SLIT3: variants seen among roughly 807,000 people sequenced by gnomAD.
SLIT3 encodes slit homolog 3 protein.
SLIT3 carries 68 observed loss-of-function variants against 184.0 expected under a neutral mutation model. The observed-to-expected ratio is 0.37, with a 90% CI of 0.30 to 0.45. The LOEUF is 0.45. Among genes scored for constraint, SLIT3 ranks in the 20% least tolerant of loss-of-function variants. SLIT3 has a pLI of 1.00. For missense variants in SLIT3, 1,707 were observed against 2,026.0 expected (o/e 0.84, Z 3.02); for synonymous variants, 831 against 828.6 (o/e 1.00, Z -0.05).
chr5:168,712,561 C>T (rs531876398), intron 23 of SLIT3: 15 of 566,642 alleles, frequency 2.6e-5, no homozygotes, highest in South Asian at 1.1e-4. Context: ...AGAGGGTTTG[C>T]GGAAGAAGGG....
intron 4 of SLIT3, among the ~76,000 whole-genome samples, chr5:169,168,916 C>G (rs1427316534): frequency 6.6e-6 from 1 of 152,182 alleles, no homozygotes; most frequent in African/African-American, 2.4e-5. Context: ...GGACAACAGA[C>G]TGGGGACCAC....
At chr5:168,807,868 C>T (rs768779093) in intron 8 of SLIT3, among the ~76,000 whole-genome samples, 13 of 152,144 alleles carry the variant, frequency 8.5e-5, no homozygotes, top group Admixed American at 2.0e-4. Context: ...TGGACGCGGA[C>T]GCTTCAAACA....
intron 4 of SLIT3, among the ~76,000 whole-genome samples, chr5:169,068,665 A>G (rs1758437783): frequency 6.6e-6 from 1 of 152,164 alleles, no homozygotes; most frequent in South Asian, 2.1e-4. Flanking sequence ...TGTTCCCAAC[A>G]ATGCATGTAG....
intron 4 of SLIT3, among the ~76,000 whole-genome samples, chr5:169,124,037 G>A (rs916886385): frequency 6.6e-6 from 1 of 152,106 alleles, no homozygotes; most frequent in African/African-American, 2.4e-5. Context: ...GGTTTCAGAC[G>A]GAAATCATTA....
chr5:168,722,150 G>A, intron 23 of SLIT3, 106 bp downstream of exon 23: 1 of 944,860 alleles, frequency 1.1e-6, no homozygotes, highest in Non-Finnish European at 1.7e-6. Context: ...GTGTGTTTGG[G>A]GGTGGAGTGG....
At chr5:169,105,801 G>T (rs1338893863) in intron 4 of SLIT3, among the ~76,000 whole-genome samples, 1 of 152,108 alleles carries the variant, frequency 6.6e-6, no homozygotes, top group East Asian at 1.9e-4. Flanking sequence ...CATTTTTTAT[G>T]GCTGCATAGT....
chr5:169,202,188 T>C (rs1430845699), intron 3 of SLIT3, among the ~76,000 whole-genome samples: 1 of 151,984 alleles, frequency 6.6e-6, no homozygotes, highest in African/African-American at 2.4e-5. Flanking sequence ...GCCAAGATCA[T>C]CCCACTGCAC....
chr5:168,680,033 A>G lies in SLIT3; in HGVS notation c.3686+3933T>C, dbSNP rs538481773. On this transcript the variant is annotated intron_variant, in intron 32 of 35. Coordinates refer to ENST00000519560, the MANE Select transcript of SLIT3 (RefSeq NM_003062.4). ...ACACTCAAAAACTTAGATATCTCAC[A>G]TAGAAACCCCGGTGGTCCCGCTTCT... Among the ~76,000 whole-genome samples, 3 of 152,328 alleles carry G rather than the reference A, an allele frequency of 2.0e-5. No individual in the cohort carries two copies. In the South Asian group the frequency reaches 6.2e-4, roughly 32 times the overall value.
At chr5:168,849,561 A>G (rs1730024564) in intron 5 of SLIT3, among the ~76,000 whole-genome samples, 1 of 152,230 alleles carries the variant, frequency 6.6e-6, no homozygotes, top group Non-Finnish European at 1.5e-5. Flanking sequence ...GAATTAACCC[A>G]TAAGAGTAAC....
chr5:168,908,470 C>T (rs1028752281), intron 4 of SLIT3, among the ~76,000 whole-genome samples: 10 of 152,088 alleles, frequency 6.6e-5, no homozygotes, highest in South Asian at 2.1e-4. Context: ...GTGGAGAGGA[C>T]GGGAGACACT....
At chr5:168,692,437 C>T (rs775930464) in intron 29 of SLIT3, among the ~76,000 whole-genome samples, 170 bp downstream of exon 29, 6 of 152,216 alleles carry the variant, frequency 3.9e-5, no homozygotes, top group Middle Eastern at 3.4e-3. Context: ...GACAGAGGCA[C>T]GCATAGGGAA....
In SLIT3 at chr5:169,127,210, C is replaced by T. The variant is rs562860977; in HGVS notation, c.413+66269G>A. ...TACCAATGAGGACAATCAGAAAAGT[C>T]GAGTCATAAAATCAAGGGCTTTACT... On this transcript the variant is annotated intron_variant, in intron 4 of 35. Transcript: ENST00000519560. Among the ~76,000 whole-genome samples the T allele has an allele frequency of 3.9e-5, 6 of 152,250 alleles. No homozygotes were observed. In the South Asian group the frequency reaches 8.3e-4, roughly 21 times the overall value.
rs539030288 is a variant in SLIT3, at chr5:169,219,127, C to T, written c.342-25577G>A. ...GCTGCCGCCTTAGGACACATTCCCC[C>T]AGGACAGAGGCACACATGAAGCAGC... is the stretch of plus-strand genomic sequence containing the variant. On this transcript the variant is annotated intron_variant, in intron 3 of 35. Coordinates refer to ENST00000519560, the MANE Select transcript of SLIT3 (RefSeq NM_003062.4). 4.6e-5 allele frequency among the ~76,000 whole-genome samples: 7 copies of T among 152,306 alleles called. No homozygotes were observed. The South Asian group carries it at 1.0e-3, about 23-fold the overall frequency.
chr5:168,697,593 T>C (rs1561880368), intron 27 of SLIT3, among the ~76,000 whole-genome samples: 1 of 152,306 alleles, frequency 6.6e-6, no homozygotes, highest in East Asian at 1.9e-4. Context: ...TGACTTGGGA[T>C]TTAGCTAAAA....
chr5:168,888,737 T>TAA (rs1433359460), intron 4 of SLIT3, among the ~76,000 whole-genome samples: 1 of 152,196 alleles, frequency 6.6e-6, no homozygotes, highest in African/African-American at 2.4e-5. Flanking sequence ...AACTCTTGAT[T>TAA]AGTTAGGCTA....
At chr5:169,106,653 TG>T (rs1760219531) in intron 4 of SLIT3, among the ~76,000 whole-genome samples, 2 of 152,192 alleles carry the variant, frequency 1.3e-5, no homozygotes, top group Admixed American at 1.3e-4. Context: ...CTGATGCTAC[TG>T]TACATACTGC....
chr5:168,987,749 G>A (rs1755184718), intron 4 of SLIT3, among the ~76,000 whole-genome samples: 1 of 152,196 alleles, frequency 6.6e-6, no homozygotes, highest in Non-Finnish European at 1.5e-5. Flanking sequence ...TCCCACTCAT[G>A]GCCACAAGGT....
At position 169,132,316 on chromosome 5, in the gene SLIT3, AAG is replaced by A. The variant is rs571257396; in HGVS notation, c.413+61161_413+61162del. Among the ~76,000 whole-genome samples the A allele has an allele frequency of 3.0e-3, 464 of 152,314 alleles. 3 individuals are homozygous for A. Among genetic ancestry groups the A allele is most frequent in the African/African-American group, 0.01 (430 of 41,564 alleles). ...GTTTGTAAAGGGAATAAGGGCCTGAAAGAGAGGAAAAAGAAGGCATGCCAAGT... is the reference window on the plus strand; with the variant it reads ...GTTTGTAAAGGGAATAAGGGCCTGAAAGAGGAAAAAGAAGGCATGCCAAGT... On this transcript the variant is annotated intron_variant, in intron 4 of 35. Coordinates refer to ENST00000519560, the MANE Select transcript of SLIT3 (RefSeq NM_003062.4).
At chr5:169,058,971 G>C (rs572599180) in intron 4 of SLIT3, among the ~76,000 whole-genome samples, 209 of 152,290 alleles carry the variant, frequency 1.4e-3, no homozygotes, top group African/African-American at 4.9e-3. Flanking sequence ...AACATAGTAA[G>C]GACGTTGCAG....
Sources: gnomAD v4.1 joint callset for allele counts (sites outside exome capture counted in the v4.1 genomes callset) on GRCh38, gnomAD v4.1.1 for gene constraint, MANE v1.5 for transcripts, NCBI Gene and HGNC (gene_info 2026-07-23, HGNC 2026-07-21) for gene names.